The following RPA1 variants were observed in gnomAD, a reference collection of about 807,000 sequenced individuals.
The protein encoded by RPA1 is replication protein A1.
In RPA1, 49 loss-of-function variants were observed where a neutral mutation model predicts 83.0. The observed-to-expected ratio is 0.59, with a 90% CI of 0.47 to 0.75. The LOEUF is 0.75. Ranked by LOEUF, RPA1 falls within the 30% of genes least tolerant of loss-of-function variation. The pLI is 0.00. For missense variants in RPA1, 693 were observed against 776.1 expected, an observed-to-expected ratio of 0.89 and a Z score of 1.27; for synonymous variants, 279 against 281.8, an observed-to-expected ratio of 0.99 and a Z score of 0.10.
In RPA1 at chr17:1,877,221, T is replaced by A. The variant is rs1913603726; in HGVS notation, c.597T>A (p.Ile199=). 4 of 1,614,160 alleles carry A rather than the reference T, an allele frequency of 2.5e-6. No homozygotes were observed. Among genetic ancestry groups the A allele is most frequent in the Middle Eastern group, 1.6e-4 (1 of 6,062 alleles). ...SLTPYQSKWT[I]CARVTNKSQI... ...TCGATTTGGTTTGTAGGTGGACCAT[T>A]TGTGCTCGTGTTACCAACAAAAGTC... Residue 199 remains isoleucine (I), a synonymous_variant, in exon 8 of 17, where the codon ATT becomes ATA. Coordinates refer to ENST00000254719, the MANE Select transcript of RPA1 (RefSeq NM_002945.5).
chr17:1,831,472 A>C (rs568999921), intron 1 of RPA1, among the ~76,000 whole-genome samples: 1 of 152,026 alleles, frequency 6.6e-6, no homozygotes, highest in East Asian at 1.9e-4. Context: ...CACTCAGCAT[A>C]CGTTCCTGCC....
At chr17:1,866,057 A>G (rs1913163225) in intron 5 of RPA1, among the ~76,000 whole-genome samples, 1 of 152,036 alleles carries the variant, frequency 6.6e-6, no homozygotes, top group Non-Finnish European at 1.5e-5. Context: ...CCTGGGCAAC[A>G]TGACGAAACC....
chr17:1,892,075 C>T (rs1914223951), intron 15 of RPA1, 135 bp downstream of exon 15: 6 of 469,322 alleles, frequency 1.3e-5, no homozygotes, highest in South Asian at 4.9e-5. Flanking sequence ...GGCGCGATCT[C>T]AGCTCACCGC....
chr17:1,879,486 C>A, intron 10 of RPA1, 74 bp from the exon 11 acceptor site: 1 of 1,611,554 alleles, frequency 6.2e-7, no homozygotes, highest in South Asian at 1.1e-5. Context: ...GGCTTCAGTG[C>A]TTGCCGTTCA....
chr17:1,872,498 C>G lies in RPA1; in HGVS notation c.426C>G (p.Pro142=), dbSNP rs1913412013. Residue 142 remains proline, a synonymous_variant, in exon 6 of 17, where the codon CCC becomes CCG. Coordinates refer to ENST00000254719, the MANE Select transcript of RPA1 (RefSeq NM_002945.5). ...CCAGCCCAGCAGCAAGCAGCAGGCCCCAGCCGCAGAATGGAAGCTCGGGAA... is the reference window on the plus strand; with the variant it reads ...CCAGCCCAGCAGCAAGCAGCAGGCCGCAGCCGCAGAATGGAAGCTCGGGAA... ...PAASPAASSR[P]QPQNGSSGMG... 6.2e-7 allele frequency: 1 copy of G among 1,613,898 alleles called. No individual in the cohort carries two copies. Among genetic ancestry groups the G allele is most frequent in the African/African-American group, 1.3e-5 (1 of 74,918 alleles).
At chr17:1,892,101 G>C (rs1418747797) in intron 15 of RPA1, among the ~76,000 whole-genome samples, 161 bp downstream of exon 15, 1 of 151,904 alleles carries the variant, frequency 6.6e-6, no homozygotes, top group Admixed American at 6.6e-5. Flanking sequence ...CCGCCTCCCG[G>C]GTTCAAGTGA....
At chr17:1,838,169 T>C (rs1042259655) in intron 1 of RPA1, among the ~76,000 whole-genome samples, 9 of 151,362 alleles carry the variant, frequency 5.9e-5, no homozygotes, top group Non-Finnish European at 1.2e-4. Flanking sequence ...CAGGCACCTG[T>C]AGTCCCAGCT....
chr17:1,890,672 ATAAAT>A (rs1204978225), intron 14 of RPA1, among the ~76,000 whole-genome samples: 24 of 152,308 alleles, frequency 1.6e-4, no homozygotes, highest in African/African-American at 3.1e-4. Context: ...CAATAAATAA[ATAAAT>A]TAAATTAATA....
At position 1,888,816 on chromosome 17, in the gene RPA1, G is replaced by A. The variant is rs1267239400; in HGVS notation, c.1516G>A (p.Glu506Lys). 2 of 1,614,014 alleles carry A rather than the reference G, an allele frequency of 1.2e-6. No individual in the cohort carries two copies. Among genetic ancestry groups the A allele is most frequent in the Non-Finnish European group, 8.5e-7 (1 of 1,179,902 alleles). ...GTACCGCTGTGAGAAGTGCGACACC[G>A]AATTTCCCAATTTCAAGTACCGCAT... is the stretch of plus-strand genomic sequence containing the variant. ...GLYRCEKCDT[E>K]FPNFKYRMIL... The change falls in exon 14 of 17, where the codon GAA (glutamate) becomes AAA (lysine). Residue 506 changes from glutamate (E) to lysine (K), a missense_variant. Physicochemically the swap from Glu to Lys is moderately conservative, Grantham distance 56 (BLOSUM62 1). Coordinates refer to ENST00000254719, the MANE Select transcript of RPA1 (RefSeq NM_002945.5).
intron 16 of RPA1, among the ~76,000 whole-genome samples, chr17:1,895,675 T>G (rs1193435837): frequency 6.8e-6 from 1 of 146,856 alleles, no homozygotes; most frequent in African/African-American, 2.5e-5. Context: ...ATTTATTTAT[T>G]TATTTATTTA....
intron 15 of RPA1, among the ~76,000 whole-genome samples, chr17:1,893,851 GTGTTT>G (rs1914289037): frequency 1.3e-5 from 2 of 151,850 alleles, no homozygotes; most frequent in South Asian, 4.2e-4. Context: ...TTTCTTCTGA[GTGTTT>G]TTCCTTTTTT....
At chr17:1,891,067 C>T (rs1914185073) in intron 14 of RPA1, among the ~76,000 whole-genome samples, 1 of 152,078 alleles carries the variant, frequency 6.6e-6, no homozygotes, top group Non-Finnish European at 1.5e-5. Flanking sequence ...AGCCTTGTAC[C>T]CATGCAAAAT....
chr17:1,830,174 C>G, intron 1 of RPA1, 48 bp downstream of exon 1: 3 of 1,226,852 alleles, frequency 2.4e-6, no homozygotes, highest in Non-Finnish European at 3.1e-6. Flanking sequence ...TGGCTGCGGC[C>G]CCGAGCCTCG....
intron 5 of RPA1, among the ~76,000 whole-genome samples, chr17:1,859,200 G>A (rs1912843891): frequency 6.6e-6 from 1 of 152,126 alleles, no homozygotes; most frequent in African/African-American, 2.4e-5. Flanking sequence ...ACCTTCCCCA[G>A]CCTTGAGTCT....
chr17:1,885,651 C>A (rs560654327), intron 13 of RPA1, among the ~76,000 whole-genome samples: 1 of 152,238 alleles, frequency 6.6e-6, no homozygotes, highest in Admixed American at 6.5e-5. Context: ...GTTGCCCAGG[C>A]TGCTCTCAAA....
At chr17:1,846,138 G>A (rs1003462466) in intron 4 of RPA1, among the ~76,000 whole-genome samples, 2 of 151,770 alleles carry the variant, frequency 1.3e-5, no homozygotes, top group South Asian at 2.1e-4. Flanking sequence ...CTTTAGTGCC[G>A]TCTTCCCCAT....
At chr17:1,874,032 T>TATATATACACACAC (rs1171343408) in intron 6 of RPA1, among the ~76,000 whole-genome samples, 8 of 79,258 alleles carry the variant, frequency 1.0e-4, no homozygotes, top group African/African-American at 3.8e-4. Flanking sequence ...TATATATATA[T>TATATATACACACAC]ACACACACAC....
At chr17:1,887,894 A>G (rs111674153) in intron 13 of RPA1, among the ~76,000 whole-genome samples, 109 of 152,322 alleles carry the variant, frequency 7.2e-4, no homozygotes, top group Admixed American at 3.5e-3. Flanking sequence ...CTCTGTCTCA[A>G]AAAATACATA....
At chr17:1,881,809 ACATGATACCTGG>A (rs1232924404) in intron 12 of RPA1, among the ~76,000 whole-genome samples, 3 of 152,250 alleles carry the variant, frequency 2.0e-5, no homozygotes, top group African/African-American at 7.2e-5. Context: ...CTCAGTGCAT[ACATGATACCTGG>A]ACAAGGATTA....
Sources: allele counts gnomAD v4.1 joint callset (sites outside exome capture counted in the v4.1 genomes callset), GRCh38; gene constraint gnomAD v4.1.1; transcripts MANE v1.5; gene names NCBI Gene and HGNC (gene_info 2026-07-23, HGNC 2026-07-21).